Variants in DDX60 observed in about 807,000 individuals in gnomAD.
DDX60 encodes the protein probable ATP-dependent RNA helicase DDX60.
DDX60 carries 165 observed loss-of-function variants against 212.8 expected under a neutral mutation model. The observed-to-expected ratio is 0.78, with a 90% confidence interval of 0.68 to 0.88. DDX60 has a LOEUF of 0.88. Ranked by LOEUF, DDX60 falls within the 40% of genes least tolerant of loss-of-function variation. The pLI is 0.00. For synonymous variants in DDX60, 703 were observed against 685.3 expected, an observed-to-expected ratio of 1.03 and a Z score of -0.40; for missense variants, 1,905 against 2,003.9, an observed-to-expected ratio of 0.95 and a Z score of 0.94.
At chr4:168,297,374 GAA>G (rs1491136761) in intron 6 of DDX60, among the ~76,000 whole-genome samples, 93 of 54,604 alleles carry the variant, frequency 1.7e-3, no homozygotes, top group African/African-American at 1.5e-3. Flanking sequence ...AAGAAAGAAA[GAA>G]AGAAAGAGAA....
rs143373640 is a variant in DDX60 at position 168,225,576 on chromosome 4, T to A, written c.4634A>T (p.Lys1545Ile). 6.2e-7 allele frequency: 1 copy of A among 1,611,426 alleles called. No homozygotes were observed. The highest frequency in any genetic ancestry group is 1.3e-5 in the African/African-American group (1 of 74,776). Residue 1545 changes from lysine to isoleucine, a missense_variant, in exon 34 of 38, where the codon AAA becomes ATA. Coordinates refer to ENST00000393743, the MANE Select transcript of DDX60 (RefSeq NM_017631.6). Reference protein sequence around the residue: ...DFTTFLRIVSKLADMNQEYQL... With the variant: ...DFTTFLRIVSILADMNQEYQL... Reference sequence around the variant, plus strand: ...ATATTCCTGATTCATATCAGCCAGTTTGGAAACAATTCGTAGGAAAGTGGT... The same window carrying A: ...ATATTCCTGATTCATATCAGCCAGTATGGAAACAATTCGTAGGAAAGTGGT...
chr4:168,245,578 A>G (rs1733992887), intron 30 of DDX60, among the ~76,000 whole-genome samples: 1 of 152,210 alleles, frequency 6.6e-6, no homozygotes, highest in South Asian at 2.1e-4. Context: ...TTTGGTCTTA[A>G]AAATGATGTA....
At chr4:168,277,233 T>C (rs1386640195) in intron 14 of DDX60, among the ~76,000 whole-genome samples, 1 of 152,150 alleles carries the variant, frequency 6.6e-6, no homozygotes, top group Non-Finnish European at 1.5e-5. Flanking sequence ...CACAGCAGCT[T>C]TGGAAGAACT....
chr4:168,305,760 T>C (rs1736849847), intron 5 of DDX60, among the ~76,000 whole-genome samples: 2 of 151,888 alleles, frequency 1.3e-5, no homozygotes, highest in South Asian at 4.1e-4. Flanking sequence ...AATAACATCA[T>C]GGAATTCGAA....
At chr4:168,236,016 C>T in intron 33 of DDX60, 1 of 397,080 alleles carries the variant, frequency 2.5e-6, no homozygotes, top group East Asian at 5.3e-5. Flanking sequence ...AAATGAAAAA[C>T]ATGAATAAAA....
At chr4:168,298,521 C>A (rs1033549173) in intron 6 of DDX60, among the ~76,000 whole-genome samples, 3 of 152,054 alleles carry the variant, frequency 2.0e-5, no homozygotes, top group South Asian at 2.1e-4. Context: ...ATTCTAAAAG[C>A]CACAATCTAT....
At position 168,258,951 on chromosome 4, in the gene DDX60, C is replaced by A. The variant is rs938746469; in HGVS notation, c.3398+1914G>T. Among the ~76,000 whole-genome samples the A allele has an allele frequency of 3.9e-5, 6 of 152,268 alleles. No homozygotes were observed. The South Asian group carries it at 1.2e-3, about 32-fold the overall frequency. On this transcript the variant is annotated intron_variant, in intron 25 of 37. Transcript: ENST00000393743. ...ACTAAAAAACCTTGTTAAACTAACT[C>A]TTACCTTCCTAGTCACATCTTCACC...
chr4:168,234,543 T>C (rs574467338), intron 33 of DDX60, among the ~76,000 whole-genome samples: 1 of 152,118 alleles, frequency 6.6e-6, no homozygotes, highest in Non-Finnish European at 1.5e-5. Flanking sequence ...TCTAATTATC[T>C]AGTAAAAATA....
intron 29 of DDX60, among the ~76,000 whole-genome samples, chr4:168,247,615 G>A (rs569030354): frequency 5.3e-5 from 8 of 152,308 alleles, no homozygotes; most frequent in African/African-American, 1.4e-4. Context: ...TCTGCAGGAC[G>A]TGGTAGAATA....
At chr4:168,232,360 A>G in intron 33 of DDX60, among the ~76,000 whole-genome samples, 1 of 152,116 alleles carries the variant, frequency 6.6e-6, no homozygotes, top group East Asian at 1.9e-4. Context: ...AGAAAAAACA[A>G]TCTTAAAATT....
chr4:168,284,011 C>T (rs1705277119), intron 12 of DDX60, among the ~76,000 whole-genome samples: 1 of 152,056 alleles, frequency 6.6e-6, no homozygotes, highest in Non-Finnish European at 1.5e-5. Context: ...GAGCCAGAGC[C>T]CAGAGCATGG....
At chr4:168,288,151 A>G (rs1358630254) in intron 9 of DDX60, 23 bp downstream of exon 9, 2 of 1,385,236 alleles carry the variant, frequency 1.4e-6, no homozygotes, top group South Asian at 2.7e-5. Flanking sequence ...TGGAAGTATG[A>G]TTATAATATA....
chr4:168,270,545 T>C (rs1055214043), intron 19 of DDX60, among the ~76,000 whole-genome samples: 8 of 152,214 alleles, frequency 5.3e-5, no homozygotes, highest in African/African-American at 1.4e-4. Flanking sequence ...AGTCATATCG[T>C]CATAGCACTT....
chr4:168,319,846 G>T (rs1737559740), upstream of DDX60, among the ~76,000 whole-genome samples: 1 of 152,046 alleles, frequency 6.6e-6, no homozygotes, highest in African/African-American at 2.4e-5. Context: ...TGCTCCACAG[G>T]GAACACAGAA....
chr4:168,321,158 T>C (rs1045287390), upstream of DDX60, among the ~76,000 whole-genome samples: 6 of 152,144 alleles, frequency 3.9e-5, no homozygotes, highest in African/African-American at 1.4e-4. Flanking sequence ...ACTTTTTCAC[T>C]TCAACAGCCT....
intron 35 of DDX60, 114 bp downstream of exon 35, chr4:168,224,129 A>ATTTTTTTTTT: frequency 2.8e-6 from 3 of 1,057,304 alleles, no homozygotes; most frequent in Admixed American, 2.6e-5. Flanking sequence ...ATACACCCAG[A>ATTTTTTTTTT]TTTTTTTTTT....
At chr4:168,291,118 TA>T (rs1344873753) in intron 8 of DDX60, among the ~76,000 whole-genome samples, 3 of 152,036 alleles carry the variant, frequency 2.0e-5, no homozygotes, top group African/African-American at 7.2e-5. Flanking sequence ...AATGGGTAAG[TA>T]AACCATGGTA....
chr4:168,272,216 T>C (rs1735132382), intron 18 of DDX60, 78 bp from the exon 19 acceptor site: 3 of 1,160,748 alleles, frequency 2.6e-6, no homozygotes, highest in African/African-American at 1.5e-5. Context: ...ATATGTAAGA[T>C]AGACTTATGA....
intron 11 of DDX60, among the ~76,000 whole-genome samples, chr4:168,285,151 T>C (rs1735766089): frequency 6.6e-6 from 1 of 152,202 alleles, no homozygotes; most frequent in African/African-American, 2.4e-5. Flanking sequence ...CTAATAGGCA[T>C]TCATTAATTC....
Sources: allele counts gnomAD v4.1 joint callset (sites outside exome capture counted in the v4.1 genomes callset), GRCh38; gene constraint gnomAD v4.1.1; transcripts MANE v1.5; gene names NCBI Gene and HGNC (gene_info 2026-07-23, HGNC 2026-07-21).